PABPC4L: variants seen among roughly 807,000 people sequenced by gnomAD.
PABPC4L encodes polyadenylate-binding protein 4-like.
For missense variants in PABPC4L, 452 were observed against 451.4 expected (o/e 1.00, Z -0.01); for synonymous variants, 169 against 164.1 (o/e 1.03, Z -0.23).
chr4:134,146,811 A>G, the PABPC4L span, among the ~76,000 whole-genome samples: 1 of 152,102 alleles, frequency 6.6e-6, no homozygotes, highest in Admixed American at 6.6e-5. Context: ...GTTACAAGGC[A>G]TCATTCAGAA....
the PABPC4L span, among the ~76,000 whole-genome samples, chr4:134,122,841 C>A: frequency 6.6e-6 from 1 of 151,514 alleles, no homozygotes; most frequent in Non-Finnish European, 1.5e-5. Context: ...TTATTGTCTT[C>A]TTATAGTTTA....
the PABPC4L span, among the ~76,000 whole-genome samples, chr4:134,067,893 GT>G: frequency 6.6e-6 from 1 of 152,138 alleles, no homozygotes; most frequent in Admixed American, 6.5e-5. Flanking sequence ...TGAGAGTGTA[GT>G]TTTTATGAGT....
chr4:134,023,201 C>A, the PABPC4L span, among the ~76,000 whole-genome samples: 1 of 152,092 alleles, frequency 6.6e-6, no homozygotes, highest in South Asian at 2.1e-4. Context: ...GGAATATGTG[C>A]ACAGTCATCT....
At chr4:133,974,856 G>C in the PABPC4L span, among the ~76,000 whole-genome samples, 1 of 152,156 alleles carries the variant, frequency 6.6e-6, no homozygotes, top group African/African-American at 2.4e-5. Context: ...ATAAGTATTA[G>C]CAAAAATGTG....
At chr4:134,118,297 T>C in the PABPC4L span, among the ~76,000 whole-genome samples, 2 of 151,832 alleles carry the variant, frequency 1.3e-5, no homozygotes, top group Non-Finnish European at 2.9e-5. Context: ...CAAATGATGG[T>C]TCAATTGAAA....
At chr4:134,164,261 T>TGA in the PABPC4L span, among the ~76,000 whole-genome samples, 1 of 28,848 alleles carries the variant, frequency 3.5e-5, no homozygotes, top group Non-Finnish European at 6.3e-5. Flanking sequence ...AGACTCCGTC[T>TGA]CAAAAAAAAA....
the PABPC4L span, among the ~76,000 whole-genome samples, chr4:134,054,659 T>C: frequency 6.6e-6 from 1 of 152,030 alleles, no homozygotes; most frequent in African/African-American, 2.4e-5. Context: ...CACTTGAGAT[T>C]GCATTTTTTT....
chr4:134,035,017 T>A, the PABPC4L span, among the ~76,000 whole-genome samples: 1 of 146,426 alleles, frequency 6.8e-6, no homozygotes, highest in Non-Finnish European at 1.5e-5. Flanking sequence ...CTTTATTTTG[T>A]CTTATTTGTA....
the PABPC4L span, among the ~76,000 whole-genome samples, chr4:133,959,591 G>A: frequency 1.3e-5 from 2 of 152,180 alleles, no homozygotes; most frequent in Non-Finnish European, 2.9e-5. Flanking sequence ...GGATTTGATA[G>A]GTAGATTATG....
chr4:134,109,265 TA>T, the PABPC4L span, among the ~76,000 whole-genome samples: 1 of 152,116 alleles, frequency 6.6e-6, no homozygotes, highest in Non-Finnish European at 1.5e-5. Context: ...AATATATACA[TA>T]TTTTTAAAAT....
the PABPC4L span, among the ~76,000 whole-genome samples, chr4:134,086,811 T>A: frequency 2.6e-5 from 4 of 152,004 alleles, no homozygotes; most frequent in Non-Finnish European, 1.5e-5. Context: ...TTTTTTCTTT[T>A]ATTATTATAC....
chr4:133,992,020 C>T, the PABPC4L span, among the ~76,000 whole-genome samples: 8 of 152,062 alleles, frequency 5.3e-5, no homozygotes, highest in African/African-American at 1.9e-4. Context: ...ATGTCCCATG[C>T]CAGGTATTAA....
chr4:133,964,208 T>G, the PABPC4L span, among the ~76,000 whole-genome samples: 1 of 151,894 alleles, frequency 6.6e-6, no homozygotes, highest in African/African-American at 2.4e-5. Flanking sequence ...GCACATAAAC[T>G]TGAAACGTAG....
the PABPC4L span, among the ~76,000 whole-genome samples, chr4:133,976,661 C>A: frequency 6.6e-6 from 1 of 152,110 alleles, no homozygotes; most frequent in Non-Finnish European, 1.5e-5. Flanking sequence ...TTCTGACTGG[C>A]ATGAGATGGT....
At chr4:134,086,933 C>T in the PABPC4L span, among the ~76,000 whole-genome samples, 1 of 151,922 alleles carries the variant, frequency 6.6e-6, no homozygotes, top group East Asian at 1.9e-4. Flanking sequence ...GGAATATCTC[C>T]CAATGCTATC....
the PABPC4L span, among the ~76,000 whole-genome samples, chr4:133,997,416 T>G: frequency 6.6e-6 from 1 of 152,032 alleles, no homozygotes; most frequent in African/African-American, 2.4e-5. Context: ...TACAATAAGA[T>G]TAATATTTTC....
At chr4:134,179,445 A>C in the PABPC4L span, among the ~76,000 whole-genome samples, 1 of 152,178 alleles carries the variant, frequency 6.6e-6, no homozygotes, top group Non-Finnish European at 1.5e-5. Flanking sequence ...ACTTAAGTAC[A>C]TAGACCAGTG....
chr4:134,076,047 C>A, the PABPC4L span, among the ~76,000 whole-genome samples: 1 of 151,218 alleles, frequency 6.6e-6, no homozygotes. Flanking sequence ...GAATGAGGAG[C>A]TATAGCTACA....
chr4:134,069,298 T>C, the PABPC4L span, among the ~76,000 whole-genome samples: 1 of 152,162 alleles, frequency 6.6e-6, no homozygotes, highest in African/African-American at 2.4e-5. Flanking sequence ...GACTATGTGC[T>C]TTAGGTATGA....
Sources: gnomAD v4.1 joint callset for allele counts (sites outside exome capture counted in the v4.1 genomes callset) on GRCh38, gnomAD v4.1.1 for gene constraint, MANE v1.5 for transcripts, NCBI Gene and HGNC (gene_info 2026-07-23, HGNC 2026-07-21) for gene names.